Variants in FER1L6 observed in about 807,000 individuals in gnomAD.
FER1L6 encodes the protein fer-1-like protein 6.
A neutral mutation model predicts 219.2 loss-of-function variants in FER1L6; 177 were observed. The observed-to-expected ratio is 0.81, with a 90% CI of 0.71 to 0.91. The LOEUF (loss-of-function observed/expected upper bound fraction) is 0.91. Ranked by LOEUF, FER1L6 falls within the 40% of genes least tolerant of loss-of-function variation. FER1L6 has a pLI of 0.00. For missense variants in FER1L6, 2,153 were observed against 2,259.9 expected, an observed-to-expected ratio of 0.95 and a Z score of 0.96; for synonymous variants, 768 against 824.3, an observed-to-expected ratio of 0.93 and a Z score of 1.17.
At chr8:123,922,337 G>A (rs1407077794) in intron 1 of FER1L6, among the ~76,000 whole-genome samples, 1 of 152,204 alleles carries the variant, frequency 6.6e-6, no homozygotes, top group Non-Finnish European at 1.5e-5. Context: ...GGAGAGATAA[G>A]GAGAATTTCC....
Position 123,980,641 on chromosome 8 carries a change from A to C in FER1L6, c.1240A>C (p.Lys414Gln). 1 of 1,614,164 alleles carries C rather than the reference A, an allele frequency of 6.2e-7. No homozygotes were observed. The highest frequency in any genetic ancestry group is 8.5e-7 in the Non-Finnish European group (1 of 1,180,010). Residue 414 changes from lysine to glutamine, a missense_variant, in exon 11 of 41, where the codon AAA (lysine) becomes CAA (glutamine). Coordinates refer to ENST00000522917, the MANE Select transcript of FER1L6 (RefSeq NM_001039112.2). ...CCTCTCAGGACGGGCACAGGAATCT[A>C]AATTTTCCAAGGCCCTGAAGGAGCT... ...EILSGRAQES[K>Q]FSKALKELKL...
At chr8:123,878,702 T>C (rs538331210) in intron 1 of FER1L6, among the ~76,000 whole-genome samples, 1 of 152,390 alleles carries the variant, frequency 6.6e-6, no homozygotes, top group South Asian at 2.1e-4. Flanking sequence ...GAACTGTGTG[T>C]ACATTAATAA....
Position 124,117,402 on chromosome 8 carries a change from A to G in FER1L6, c.5290-1442A>G, listed in dbSNP as rs553581873. Among the ~76,000 whole-genome samples, 5 of 152,320 alleles carry G rather than the reference A, an allele frequency of 3.3e-5. No individual in the cohort carries two copies. In the East Asian group the frequency reaches 9.6e-4, roughly 29 times the overall value. ...GTAAAGGAAGAATTAAAATCAATAG[A>G]AGCTTTATATTTTTTCCCACAGTTT... is the stretch of plus-strand genomic sequence containing the variant. On this transcript the variant is annotated intron_variant, in intron 39 of 40. Transcript: ENST00000522917.
intron 2 of FER1L6, among the ~76,000 whole-genome samples, chr8:123,962,072 G>C (rs1815312890): frequency 6.6e-6 from 1 of 151,964 alleles, no homozygotes; most frequent in Admixed American, 6.6e-5. Context: ...TGTATTTTTA[G>C]TAGAGATGGG....
chr8:124,096,265 T>A (rs1472466082), intron 35 of FER1L6, among the ~76,000 whole-genome samples: 1 of 152,236 alleles, frequency 6.6e-6, no homozygotes, highest in Non-Finnish European at 1.5e-5. Context: ...TATTAATGTG[T>A]CTTTAGAAAA....
In FER1L6 at chr8:123,888,635, A is replaced by C. The variant is rs557013933; in HGVS notation, c.-8+36450A>C. On this transcript the variant is annotated intron_variant, in intron 1 of 40. Coordinates refer to ENST00000522917, the MANE Select transcript of FER1L6 (RefSeq NM_001039112.2). ...TGGGGAGGTTTGGCCTTTAAAAATC[A>C]AACTGCCTTGGAAACTGCTTCACCC... is the stretch of plus-strand genomic sequence containing the variant. 1.4e-3 allele frequency among the ~76,000 whole-genome samples: 216 copies of C among 152,242 alleles called. 2 individuals carry two copies. Among genetic ancestry groups the C allele is most frequent in the Admixed American group, 3.3e-3 (51 of 15,280 alleles).
intron 18 of FER1L6, among the ~76,000 whole-genome samples, chr8:124,023,863 T>C (rs1818579605): frequency 6.6e-6 from 1 of 151,850 alleles, no homozygotes; most frequent in Admixed American, 6.6e-5. Flanking sequence ...AATTTTTACC[T>C]CTTTGATTAC....
At chr8:123,864,119 C>T (rs1185014425) in intron 1 of FER1L6, among the ~76,000 whole-genome samples, 3 of 149,506 alleles carry the variant, frequency 2.0e-5, no homozygotes, top group South Asian at 2.1e-4. Context: ...CGGCTGGTAC[C>T]GGTTGTTCCT....
chr8:124,103,676 T>A (rs1201192389), intron 39 of FER1L6, among the ~76,000 whole-genome samples: 2 of 152,234 alleles, frequency 1.3e-5, no homozygotes, highest in African/African-American at 4.8e-5. Context: ...TAAAAGAAGG[T>A]GACAGCAGGA....
chr8:124,059,852 T>C (rs1343512707), intron 22 of FER1L6, among the ~76,000 whole-genome samples: 1 of 152,218 alleles, frequency 6.6e-6, no homozygotes, highest in Non-Finnish European at 1.5e-5. Flanking sequence ...TCCACTACCC[T>C]GCTGTGGTTC....
chr8:123,936,043 C>T (rs1424451703), intron 1 of FER1L6, among the ~76,000 whole-genome samples: 2 of 151,922 alleles, frequency 1.3e-5, no homozygotes, highest in African/African-American at 2.4e-5. Context: ...GCTTCTCAAA[C>T]AGCTGTGCAG....
At chr8:124,032,534 C>T (rs1819016282) in intron 18 of FER1L6, among the ~76,000 whole-genome samples, 1 of 151,954 alleles carries the variant, frequency 6.6e-6, no homozygotes, top group African/African-American at 2.4e-5. Flanking sequence ...TTTGAGATGA[C>T]CCTAGGAAAC....
At position 124,094,983 on chromosome 8, in the gene FER1L6, C is replaced by T. The variant is rs1283537331; in HGVS notation, c.4640C>T (p.Pro1547Leu). Reference protein sequence around the residue: ...DIPEVGCRLVPEHIETRPLYH... With the variant: ...DIPEVGCRLVLEHIETRPLYH... ...CCGGAAGTCGGGTGTAGGCTGGTTC[C>T]TGAACACATAGAAACTCGGCCACTG... Residue 1547 changes from proline (P) to leucine (L), a missense_variant, in exon 35 of 41, where the codon CCT becomes CTT. Transcript: ENST00000522917. The T allele has an allele frequency of 4.3e-6, 7 of 1,613,984 alleles. No homozygotes were observed. In the Admixed American group the frequency reaches 1.2e-4, roughly 27 times the overall value.
intron 1 of FER1L6, among the ~76,000 whole-genome samples, chr8:123,923,597 A>G (rs910027030): frequency 3.3e-5 from 5 of 152,176 alleles, no homozygotes; most frequent in African/African-American, 1.2e-4. Context: ...GATGTTGGTG[A>G]TGATGATGAT....
intron 6 of FER1L6, 38 bp from the exon 7 acceptor site, chr8:123,973,396 G>A: frequency 6.5e-7 from 1 of 1,538,204 alleles, no homozygotes; most frequent in Non-Finnish European, 9.0e-7. Context: ...TTATCCTCAA[G>A]GTAAATCTGC....
At chr8:123,993,528 T>C (rs2130435044) in intron 12 of FER1L6, among the ~76,000 whole-genome samples, 1 of 151,268 alleles carries the variant, frequency 6.6e-6, no homozygotes, top group South Asian at 2.1e-4. Context: ...TGTTTTGGGG[T>C]AGAGTTACAG....
chr8:123,904,926 A>T (rs1177386974), intron 1 of FER1L6, among the ~76,000 whole-genome samples: 1 of 152,212 alleles, frequency 6.6e-6, no homozygotes, highest in Non-Finnish European at 1.5e-5. Flanking sequence ...GAAATCAGCC[A>T]TGGTGGGAAT....
chr8:124,043,026 G>A lies in FER1L6; in HGVS notation c.2590-2741G>A, dbSNP rs558447001. On this transcript the variant is annotated intron_variant, in intron 20 of 40. Transcript: ENST00000522917. The stretch of plus-strand genomic sequence containing the variant: ...AGGAAATCTTAAGAGGGTGAAGCAC[G>A]GAACCTGCCATTTGCAACAACCAGG... Among the ~76,000 whole-genome samples the A allele has an allele frequency of 7.2e-5, 11 of 152,260 alleles. 1 individual carries two copies. The South Asian group carries it at 2.1e-3, about 29-fold the overall frequency.
At position 124,076,164 on chromosome 8, in the gene FER1L6, A is replaced by G. The variant is rs181442894; in HGVS notation, c.4093-34A>G. Reference sequence around the variant, plus strand: ...CAGTGTACAACCAATGTTGAGAGCTATTGAACCAAAGACATTTTCTTTTTC... The same window carrying G: ...CAGTGTACAACCAATGTTGAGAGCTGTTGAACCAAAGACATTTTCTTTTTC... On this transcript the variant is annotated intron_variant, in intron 31 of 40. Coordinates refer to ENST00000522917, the MANE Select transcript of FER1L6 (RefSeq NM_001039112.2). 52 of 1,612,510 alleles carry G rather than the reference A, an allele frequency of 3.2e-5. No individual in the cohort carries two copies. The Admixed American group carries it at 6.0e-4, about 19-fold the overall frequency.
Sources: allele counts gnomAD v4.1 joint callset (sites outside exome capture counted in the v4.1 genomes callset), GRCh38; gene constraint gnomAD v4.1.1; transcripts MANE v1.5; gene names NCBI Gene and HGNC (gene_info 2026-07-23, HGNC 2026-07-21).